The following SFI1 variants were observed in gnomAD, a reference collection of about 807,000 sequenced individuals.
The protein encoded by SFI1 is SFI1 centrin binding protein.
In SFI1, 195 loss-of-function variants were observed where a neutral mutation model predicts 207.5. That is an observed-to-expected ratio of 0.94 (90% confidence interval 0.84 to 1.06). SFI1 has a LOEUF of 1.06. SFI1 is among the 50% of genes least tolerant of loss of function. The pLI, the probability that SFI1 is intolerant of heterozygous loss-of-function variation, is 0.00. For missense variants in SFI1, 1,634 were observed against 1,588.0 expected (o/e 1.03, Z -0.49); for synonymous variants, 630 against 598.9 (o/e 1.05, Z -0.76).
At chr22:31,606,739 C>T (rs2069092008) in intron 21 of SFI1, 3 of 211,930 alleles carry the variant, frequency 1.4e-5, no homozygotes, top group African/African-American at 5.3e-5. Flanking sequence ...CTCTGTCACC[C>T]AGGCTAGAGT....
chr22:31,613,884 G>A (rs912063636), intron 27 of SFI1, 29 bp downstream of exon 27: 5 of 1,558,374 alleles, frequency 3.2e-6, no homozygotes, highest in East Asian at 2.3e-5. Context: ...CCTTGTCCTC[G>A]CTTCCACCCT....
intron 8 of SFI1, among the ~76,000 whole-genome samples, chr22:31,562,092 G>C (rs191396251): frequency 5.0e-4 from 76 of 152,298 alleles, no homozygotes; most frequent in South Asian, 1.9e-3. Flanking sequence ...TAGTCATCTA[G>C]ATCAGTGATC....
At position 31,546,940 on chromosome 22, in the gene SFI1, A is replaced by G; in HGVS notation, c.418A>G (p.Lys140Glu). 1 of 1,612,076 alleles carries G rather than the reference A, an allele frequency of 6.2e-7. No individual in the cohort carries two copies. The highest frequency in any genetic ancestry group is 1.1e-5 in the South Asian group (1 of 90,484). Reference sequence around the variant, plus strand: ...GTGGTGGGTTTTCCAGCACGAGTGGAAACTCTGTGTTCGAGCTGACTGTCA... The same window carrying G: ...GTGGTGGGTTTTCCAGCACGAGTGGGAACTCTGTGTTCGAGCTGACTGTCA... The part of the protein sequence containing the change: ...EEWWVFQHEW[K>E]LCVRADCHYR... The change falls in exon 5 of 33, where the codon AAA (lysine) becomes GAA (glutamate). Residue 140 changes from lysine to glutamate, a missense_variant. By Grantham distance (56) the Lys-to-Glu change is moderately conservative. Transcript: ENST00000400288.
At chr22:31,591,106 AC>A (rs1282688671) in intron 15 of SFI1, among the ~76,000 whole-genome samples, 3 of 151,832 alleles carry the variant, frequency 2.0e-5, no homozygotes, top group African/African-American at 7.3e-5. Flanking sequence ...TAGGCAGAGG[AC>A]CCTGCGGCCT....
intron 15 of SFI1, among the ~76,000 whole-genome samples, chr22:31,592,349 CA>C (rs1343682300): frequency 5.1e-5 from 3 of 59,180 alleles, no homozygotes; most frequent in South Asian, 1.5e-3. Context: ...GCTGGCCGGG[CA>C]GGGGGGCTGA....
intron 8 of SFI1, among the ~76,000 whole-genome samples, chr22:31,572,434 G>A (rs138027741): frequency 0.012 from 1,778 of 152,170 alleles, 9 homozygotes; most frequent in Middle Eastern, 0.031. Flanking sequence ...GGAAGAAAAG[G>A]CAGACCCTCA....
In SFI1 at chr22:31,598,593, G is replaced by C. The variant is rs927785634; in HGVS notation, c.1545-3619G>C. 2.8e-5 allele frequency among the ~76,000 whole-genome samples: 4 copies of C among 143,162 alleles called. No homozygotes were observed. The Admixed American group carries it at 2.8e-4, about 10-fold the overall frequency. The allele number at this position is 143,162 out of a possible 152,430, so 93.9% of individuals were successfully genotyped here. A position where few individuals can be genotyped will look rare whatever the true frequency, so the allele number is the denominator to read the frequency against. ...TGCCACCACGCCCAGCTAATTTTTT[G>C]TATTTTTAGTAGAGACGGGGTTTCA... On this transcript the variant is annotated intron_variant, in intron 15 of 32. Transcript: ENST00000400288.
At chr22:31,579,654 G>A (rs954087382) in intron 11 of SFI1, among the ~76,000 whole-genome samples, 1 of 152,074 alleles carries the variant, frequency 6.6e-6, no homozygotes, top group Non-Finnish European at 1.5e-5. Flanking sequence ...GTCTCCTTCT[G>A]TTGGCCAGGC....
chr22:31,593,904 A>G (rs1010382328), intron 15 of SFI1, among the ~76,000 whole-genome samples: 27 of 143,014 alleles, frequency 1.9e-4, no homozygotes, highest in African/African-American at 6.4e-4. Flanking sequence ...AGAATCAGGC[A>G]GGGAGGTTGC....
At chr22:31,614,165 C>A (rs2070925972) in intron 27 of SFI1, 1 of 411,086 alleles carries the variant, frequency 2.4e-6, no homozygotes, top group Non-Finnish European at 4.4e-6. Context: ...CGGAGTCATA[C>A]ACGTAGTTGA....
intron 6 of SFI1, among the ~76,000 whole-genome samples, chr22:31,553,401 G>C (rs1292268772): frequency 5.9e-5 from 9 of 151,958 alleles, no homozygotes; most frequent in African/African-American, 2.2e-4. Context: ...TCTTGCCCAG[G>C]CTGGAGTGCA....
chr22:31,524,357 C>T lies in SFI1; in HGVS notation c.93-4333C>T, dbSNP rs79223900. Reference sequence around the variant, plus strand: ...TTCCTGATAGTGATGTTGAGCATTTCTTCGTATATGTGTTAGCCATTTGTA... The same window carrying T: ...TTCCTGATAGTGATGTTGAGCATTTTTTCGTATATGTGTTAGCCATTTGTA... On this transcript the variant is annotated intron_variant, in intron 2 of 32. Coordinates refer to ENST00000400288, the MANE Select transcript of SFI1 (RefSeq NM_001007467.3). 8.0e-3 allele frequency among the ~76,000 whole-genome samples: 1,223 copies of T among 152,006 alleles called. 31 individuals carry two copies. In the East Asian group the frequency reaches 0.11, roughly 13 times the overall value.
chr22:31,516,274 AGG>A (rs1246836165), intron 2 of SFI1, among the ~76,000 whole-genome samples: 3 of 152,012 alleles, frequency 2.0e-5, no homozygotes, highest in Non-Finnish European at 4.4e-5. Flanking sequence ...GCACTTTGAG[AGG>A]CCAAGGAGGG....
chr22:31,613,563 G>A, intron 26 of SFI1, 33 bp downstream of exon 26: 1 of 1,577,250 alleles, frequency 6.3e-7, no homozygotes, highest in Non-Finnish European at 8.6e-7. Context: ...TGGGGAGCAG[G>A]CAGGGTGTGG....
At chr22:31,604,468 T>A in intron 19 of SFI1, 64 bp downstream of exon 19, 1 of 1,331,874 alleles carries the variant, frequency 7.5e-7, no homozygotes, top group East Asian at 2.6e-5. Flanking sequence ...GGAGACTTTG[T>A]TTTCCTTCCT....
At chr22:31,502,997 G>A (rs996894326) in intron 1 of SFI1, among the ~76,000 whole-genome samples, 1 of 145,314 alleles carries the variant, frequency 6.9e-6, no homozygotes, top group African/African-American at 2.6e-5. Flanking sequence ...AGAGTTTGCA[G>A]TGAGCCGAGA....
At chr22:31,578,478 G>T in intron 11 of SFI1, 26 bp downstream of exon 11, 1 of 1,606,196 alleles carries the variant, frequency 6.2e-7, no homozygotes, top group Non-Finnish European at 8.5e-7. Flanking sequence ...CCTGGCACGG[G>T]TCCGCTTGGC....
intron 2 of SFI1, among the ~76,000 whole-genome samples, chr22:31,512,943 C>T (rs991956423): frequency 6.6e-6 from 1 of 152,130 alleles, no homozygotes; most frequent in African/African-American, 2.4e-5. Context: ...GCCTTGGCCT[C>T]CCAAAGTGCT....
chr22:31,568,531 CAAAAAAAAAAAA>C (rs60447566), intron 8 of SFI1, among the ~76,000 whole-genome samples: 3 of 37,434 alleles, frequency 8.0e-5, no homozygotes, highest in Admixed American at 3.5e-4. Flanking sequence ...GACCCTGTCT[CAAAAAAAAAAAA>C]AAAAAAAAAA....
Sources: gnomAD v4.1 joint callset for allele counts (sites outside exome capture counted in the v4.1 genomes callset) on GRCh38, gnomAD v4.1.1 for gene constraint, MANE v1.5 for transcripts, NCBI Gene and HGNC (gene_info 2026-07-23, HGNC 2026-07-21) for gene names.